The following FTO variants were observed in gnomAD, a reference collection of about 807,000 sequenced individuals.
FTO encodes FTO alpha-ketoglutarate dependent dioxygenase.
In FTO, 47 loss-of-function variants were observed where a neutral mutation model predicts 63.9. The ratio of observed to expected loss-of-function variants is 0.74; its 90% CI spans 0.58 to 0.94. The LOEUF (loss-of-function observed/expected upper bound fraction) is 0.94. Ranked by LOEUF, FTO falls within the 40% of genes least tolerant of loss-of-function variation. FTO has a pLI of 0.00. For missense variants in FTO, 562 were observed against 618.1 expected, an observed-to-expected ratio of 0.91 and a Z score of 0.96; for synonymous variants, 207 against 224.4, an observed-to-expected ratio of 0.92 and a Z score of 0.69.
chr16:53,997,982 T>C (rs1272972701), intron 8 of FTO, among the ~76,000 whole-genome samples: 2 of 152,210 alleles, frequency 1.3e-5, no homozygotes, highest in African/African-American at 4.8e-5. Context: ...TGTTGATTGT[T>C]ACTGTCCAAG....
At chr16:53,737,026 G>C (rs914014006) in intron 1 of FTO, among the ~76,000 whole-genome samples, 2 of 152,142 alleles carry the variant, frequency 1.3e-5, no homozygotes, top group African/African-American at 4.8e-5. Flanking sequence ...TTTGTACTTG[G>C]CCATTGCGTT....
intron 8 of FTO, among the ~76,000 whole-genome samples, chr16:54,079,889 G>A (rs1015442905): frequency 1.3e-4 from 20 of 151,994 alleles, no homozygotes; most frequent in African/African-American, 4.8e-4. Flanking sequence ...CTTCTTTTTA[G>A]GAACTAATTC....
At chr16:53,835,389 A>C (rs2079260650) in intron 3 of FTO, among the ~76,000 whole-genome samples, 1 of 152,196 alleles carries the variant, frequency 6.6e-6, no homozygotes, top group Non-Finnish European at 1.5e-5. Flanking sequence ...TTTCTTCAGA[A>C]AGATGCTTAG....
chr16:53,743,485 A>T (rs953957633), intron 1 of FTO, among the ~76,000 whole-genome samples: 1 of 151,038 alleles, frequency 6.6e-6, no homozygotes, highest in African/African-American at 2.4e-5. Context: ...TAGGTAACAG[A>T]TCTAGTCCCT....
intron 3 of FTO, among the ~76,000 whole-genome samples, chr16:53,840,984 T>C (rs1045505586): frequency 1.3e-5 from 2 of 150,534 alleles, no homozygotes; most frequent in Non-Finnish European, 2.9e-5. Flanking sequence ...CCTTCGTGAG[T>C]TCTTTTCTGG....
intron 7 of FTO, among the ~76,000 whole-genome samples, chr16:53,932,848 A>G (rs1229136259): frequency 2.0e-5 from 3 of 152,242 alleles, no homozygotes; most frequent in African/African-American, 7.2e-5. Context: ...AAATTGCCTC[A>G]GCATTTTCCC....
At chr16:53,950,499 C>T (rs1473054850) in intron 8 of FTO, among the ~76,000 whole-genome samples, 2 of 151,904 alleles carry the variant, frequency 1.3e-5, no homozygotes, top group African/African-American at 2.4e-5. Context: ...TGATAAATGT[C>T]GTAGATATAT....
intron 8 of FTO, among the ~76,000 whole-genome samples, chr16:54,017,122 C>T (rs1172591636): frequency 1.3e-5 from 2 of 152,130 alleles, no homozygotes; most frequent in Admixed American, 1.3e-4. Flanking sequence ...TAGAATTAGA[C>T]TTGTAATCAC....
intron 1 of FTO, among the ~76,000 whole-genome samples, chr16:53,777,650 G>GTCACACTCA (rs1396117532): frequency 6.6e-6 from 1 of 152,070 alleles, no homozygotes; most frequent in East Asian, 1.9e-4. Context: ...GTAAAAAAAG[G>GTCACACTCA]TCACACTCAT....
intron 8 of FTO, among the ~76,000 whole-genome samples, chr16:54,096,731 C>T (rs2086523999): frequency 6.6e-6 from 1 of 152,182 alleles, no homozygotes; most frequent in Admixed American, 6.5e-5. Context: ...ATTAATATGA[C>T]TTGTTATTTA....
chr16:54,081,810 C>A (rs1201949795), intron 8 of FTO, among the ~76,000 whole-genome samples: 1 of 152,132 alleles, frequency 6.6e-6, no homozygotes, highest in Non-Finnish European at 1.5e-5. Context: ...CCACTAGAAC[C>A]CCATTCTGAT....
intron 1 of FTO, among the ~76,000 whole-genome samples, chr16:53,804,334 T>C (rs1019889823): frequency 2.0e-5 from 3 of 152,348 alleles, no homozygotes; most frequent in Non-Finnish European, 2.9e-5. Context: ...TTTTATTTTA[T>C]CATCACAACT....
At chr16:54,059,931 G>A (rs774363244) in intron 8 of FTO, among the ~76,000 whole-genome samples, 5 of 151,790 alleles carry the variant, frequency 3.3e-5, no homozygotes, top group Admixed American at 2.0e-4. Context: ...TCTGTGTGTG[G>A]TGCTTCAGTA....
chr16:53,710,319 G>A (rs1241070022), intron 1 of FTO, among the ~76,000 whole-genome samples: 4 of 146,860 alleles, frequency 2.7e-5, no homozygotes, highest in Non-Finnish European at 5.9e-5. Flanking sequence ...AGGCTGGAGT[G>A]CAGTGGCGCG....
chr16:53,983,752 A>C (rs1157274560), intron 8 of FTO, among the ~76,000 whole-genome samples: 1 of 152,156 alleles, frequency 6.6e-6, no homozygotes, highest in African/African-American at 2.4e-5. Context: ...CCCCGGTCTA[A>C]GAGGACAACC....
In FTO at chr16:53,908,286, G is replaced by A. The variant is rs570858998; in HGVS notation, c.1239+19335G>A. On this transcript the variant is annotated intron_variant, in intron 7 of 8. Transcript: ENST00000471389. Reference sequence around the variant, plus strand: ...ATGTCCAACCATTGCATGCAAACTCGTAGTAAAGCCATTGTCTAGTTATTA... The same window carrying A: ...ATGTCCAACCATTGCATGCAAACTCATAGTAAAGCCATTGTCTAGTTATTA... Among the ~76,000 whole-genome samples, 23 of 152,264 alleles carry A rather than the reference G, an allele frequency of 1.5e-4. No homozygotes were observed. The South Asian group carries it at 1.7e-3, about 11-fold the overall frequency.
At chr16:53,738,203 G>C (rs2076435466) in intron 1 of FTO, among the ~76,000 whole-genome samples, 1 of 152,076 alleles carries the variant, frequency 6.6e-6, no homozygotes, top group African/African-American at 2.4e-5. Context: ...TGTATTTTTA[G>C]TAGAGACGGG....
intron 8 of FTO, among the ~76,000 whole-genome samples, chr16:54,081,498 C>T (rs2086140539): frequency 6.6e-6 from 1 of 152,182 alleles, no homozygotes; most frequent in Non-Finnish European, 1.5e-5. Context: ...CTCCCACTGT[C>T]TTCCACTTAT....
rs1352866890 is a variant in FTO at position 53,825,945 on chromosome 16, T to C, written c.205T>C (p.Phe69Leu). 6.2e-7 allele frequency: 1 copy of C among 1,614,150 alleles called. No individual in the cohort carries two copies. Among genetic ancestry groups the C allele is most frequent in the Non-Finnish European group, 8.5e-7 (1 of 1,180,028 alleles). The change falls in exon 3 of 9, where the codon TTT becomes CTT. Residue 69 changes from phenylalanine to leucine, a missense_variant. Phe to Leu is a conservative substitution (Grantham distance 22). Transcript: ENST00000471389. ...GCTCCATAAAGAGGTTCAAGAAGCCTTTCTCACACTGCACAAGCATGGCTG... is the reference window on the plus strand; with the variant it reads ...GCTCCATAAAGAGGTTCAAGAAGCCCTTCTCACACTGCACAAGCATGGCTG... ...EELHKEVQEA[F>L]LTLHKHGCLF...
Sources: allele counts gnomAD v4.1 joint callset (sites outside exome capture counted in the v4.1 genomes callset), GRCh38; gene constraint gnomAD v4.1.1; transcripts MANE v1.5; gene names NCBI Gene and HGNC (gene_info 2026-07-23, HGNC 2026-07-21).